The following CLVS1 variants were observed in gnomAD, a reference collection of about 807,000 sequenced individuals.
The protein encoded by CLVS1 is clavesin 1.
Under a neutral mutation model 33.1 loss-of-function variants are expected in CLVS1, and 10 were observed. That is an observed-to-expected ratio of 0.30 (90% CI 0.19 to 0.51). CLVS1 has a LOEUF of 0.51. CLVS1 is among the 20% of genes least tolerant of loss of function. The pLI, the probability that CLVS1 is intolerant of heterozygous loss-of-function variation, is 0.97. For synonymous variants in CLVS1, 163 were observed against 166.1 expected (o/e 0.98, Z 0.14); for missense variants, 343 against 433.4 (o/e 0.79, Z 1.85).
At chr8:61,043,357 G>A in the CLVS1 span, among the ~76,000 whole-genome samples, 12 of 152,200 alleles carry the variant, frequency 7.9e-5, no homozygotes, top group African/African-American at 2.7e-4. Flanking sequence ...GAATGGCAGA[G>A]GCTAAGTGCT....
At chr8:61,316,694 C>T (rs915162280) in intron 2 of CLVS1, among the ~76,000 whole-genome samples, 3 of 152,220 alleles carry the variant, frequency 2.0e-5, no homozygotes, top group Non-Finnish European at 4.4e-5. Context: ...ATTTTGCTCT[C>T]TCACACATAC....
chr8:61,476,178 C>T (rs575198720), intron 5 of CLVS1, among the ~76,000 whole-genome samples: 34 of 152,288 alleles, frequency 2.2e-4, no homozygotes, highest in African/African-American at 8.2e-4. Flanking sequence ...GTACCAGGAC[C>T]ATGCTGATTT....
chr8:61,287,585 T>G (rs1809815255), upstream of CLVS1, among the ~76,000 whole-genome samples: 1 of 152,234 alleles, frequency 6.6e-6, no homozygotes, highest in East Asian at 1.9e-4. Context: ...TTAAATTTTA[T>G]GTTTTTGATA....
At chr8:61,418,259 A>T (rs1030226404) in intron 3 of CLVS1, among the ~76,000 whole-genome samples, 2 of 152,146 alleles carry the variant, frequency 1.3e-5, no homozygotes, top group Admixed American at 1.3e-4. Context: ...ATCCTTGCTG[A>T]GGAGGCTGAG....
intron 2 of CLVS1, among the ~76,000 whole-genome samples, chr8:61,270,821 T>G (rs1358194400): frequency 1.3e-5 from 2 of 152,168 alleles, no homozygotes; most frequent in Non-Finnish European, 2.9e-5. Context: ...TGTAGTATTC[T>G]CTGATGGTAG....
intron 5 of CLVS1, among the ~76,000 whole-genome samples, chr8:61,476,704 C>T (rs540701115): frequency 5.1e-4 from 78 of 152,214 alleles, no homozygotes; most frequent in Non-Finnish European, 9.9e-4. Context: ...TGGGCTGAGA[C>T]GATGGGGTTT....
chr8:61,381,374 T>A (rs1156550692), intron 3 of CLVS1, among the ~76,000 whole-genome samples: 1 of 152,158 alleles, frequency 6.6e-6, no homozygotes, highest in Non-Finnish European at 1.5e-5. Flanking sequence ...AAATCACCTA[T>A]CTCCCTAGTG....
At chr8:60,975,909 T>A in the CLVS1 span, among the ~76,000 whole-genome samples, 1 of 152,188 alleles carries the variant, frequency 6.6e-6, no homozygotes. Flanking sequence ...AAGATGGAGA[T>A]ACCACAAGCC....
intron 2 of CLVS1, among the ~76,000 whole-genome samples, chr8:61,145,131 G>C (rs1045607629): frequency 3.3e-5 from 5 of 152,174 alleles, no homozygotes; most frequent in Admixed American, 1.3e-4. Flanking sequence ...AAAAGCTTCT[G>C]CACAGCAAAA....
chr8:61,005,533 A>G, the CLVS1 span, among the ~76,000 whole-genome samples: 1 of 152,178 alleles, frequency 6.6e-6, no homozygotes, highest in South Asian at 2.1e-4. Flanking sequence ...GCCTGCCTCC[A>G]ACTCCAGTGG....
chr8:61,336,679 C>T (rs776840029), intron 2 of CLVS1, among the ~76,000 whole-genome samples: 2 of 151,978 alleles, frequency 1.3e-5, no homozygotes, highest in African/African-American at 2.4e-5. Context: ...CAATAATAAT[C>T]CAACAGAATG....
At chr8:61,315,047 A>G (rs1810965123) in intron 2 of CLVS1, among the ~76,000 whole-genome samples, 1 of 152,212 alleles carries the variant, frequency 6.6e-6, no homozygotes, top group African/African-American at 2.4e-5. Context: ...CCACTGCAGC[A>G]TCTGTTTGGG....
chr8:61,397,056 A>G (rs1050153392), intron 3 of CLVS1, among the ~76,000 whole-genome samples: 1 of 152,158 alleles, frequency 6.6e-6, no homozygotes, highest in Non-Finnish European at 1.5e-5. Context: ...ATATCTAGGA[A>G]TAAAATTGCT....
chr8:61,269,921 A>C (rs1314241940), intron 2 of CLVS1, among the ~76,000 whole-genome samples: 1 of 147,500 alleles, frequency 6.8e-6, no homozygotes, highest in South Asian at 2.2e-4. Flanking sequence ...GGGCTGAGAC[A>C]ATGGGGTTTT....
upstream of CLVS1, among the ~76,000 whole-genome samples, chr8:61,285,712 G>A (rs1809762629): frequency 6.6e-6 from 1 of 152,154 alleles, no homozygotes; most frequent in Non-Finnish European, 1.5e-5. Context: ...ACCAGTGACA[G>A]GTAAAGACTC....
At chr8:61,498,426 A>G (rs73259374) in intron 5 of CLVS1, among the ~76,000 whole-genome samples, 2,636 of 152,340 alleles carry the variant, frequency 0.017, 72 homozygotes, top group African/African-American at 0.059. Context: ...TACTGCACAT[A>G]TATGTAAGTT....
chr8:61,063,956 CATATA>C (rs1804630884), intron 1 of CLVS1, among the ~76,000 whole-genome samples: 1 of 152,188 alleles, frequency 6.6e-6, no homozygotes, highest in African/African-American at 2.4e-5. Context: ...CTAGGTATCT[CATATA>C]AGAGGAATTA....
intron 1 of CLVS1, among the ~76,000 whole-genome samples, chr8:61,111,005 G>A (rs1805615442): frequency 6.6e-6 from 1 of 152,164 alleles, no homozygotes; most frequent in Admixed American, 6.5e-5. Context: ...AATATGGTAT[G>A]CAACTATCTC....
chr8:61,214,515 C>T (rs1808044152), intron 2 of CLVS1, among the ~76,000 whole-genome samples: 1 of 152,158 alleles, frequency 6.6e-6, no homozygotes. Flanking sequence ...TAGATATGCA[C>T]ACAGGGAAGG....
Sources: allele counts gnomAD v4.1 joint callset (sites outside exome capture counted in the v4.1 genomes callset), GRCh38; gene constraint gnomAD v4.1.1; transcripts MANE v1.5; gene names NCBI Gene and HGNC (gene_info 2026-07-23, HGNC 2026-07-21).